Variants in NUP205 observed in about 807,000 individuals in gnomAD.
NUP205 encodes the protein nuclear pore complex protein Nup205.
A neutral mutation model predicts 253.8 loss-of-function variants in NUP205; 76 were observed. That is an observed-to-expected ratio of 0.30 (90% confidence interval 0.25 to 0.36). The LOEUF is 0.36. NUP205 is among the 10% of genes least tolerant of loss of function. The pLI, the probability that NUP205 is intolerant of heterozygous loss-of-function variation, is 1.00. For missense variants in NUP205, 2,162 were observed against 2,425.5 expected, an observed-to-expected ratio of 0.89 and a Z score of 2.28; for synonymous variants, 832 against 850.1, an observed-to-expected ratio of 0.98 and a Z score of 0.37.
At chr7:135,584,724 A>G (rs1806408380) in intron 7 of NUP205, 108 bp from the exon 8 acceptor site, 2 of 958,494 alleles carry the variant, frequency 2.1e-6, no homozygotes, top group East Asian at 5.2e-5. Context: ...AGCACATGCT[A>G]GAAGGCTGGG....
intron 31 of NUP205, 72 bp downstream of exon 31, chr7:135,622,997 G>T (rs1347384760): frequency 1.3e-6 from 2 of 1,485,660 alleles, no homozygotes; most frequent in African/African-American, 2.8e-5. Flanking sequence ...CTGATTCACG[G>T]CTGGGTGTGG....
At chr7:135,566,628 T>G (rs1162213353) in intron 1 of NUP205, among the ~76,000 whole-genome samples, 2 of 152,222 alleles carry the variant, frequency 1.3e-5, no homozygotes, top group African/African-American at 2.4e-5. Flanking sequence ...CTTTGCATCC[T>G]TCCCTAATCT....
At chr7:135,567,283 T>A (rs1351833483) in intron 1 of NUP205, among the ~76,000 whole-genome samples, 1 of 147,196 alleles carries the variant, frequency 6.8e-6, no homozygotes, top group Non-Finnish European at 1.5e-5. Flanking sequence ...CATCTCCCTT[T>A]AAAAAATTTT....
intron 31 of NUP205, among the ~76,000 whole-genome samples, chr7:135,623,795 G>A (rs1040760353): frequency 1.3e-5 from 2 of 152,094 alleles, no homozygotes; most frequent in South Asian, 4.1e-4. Context: ...TTGTTTGTTT[G>A]TTTTTGAGAT....
In NUP205 at chr7:135,608,167, C is replaced by T. The variant is rs531549402; in HGVS notation, c.3195+796C>T. 2.6e-5 allele frequency among the ~76,000 whole-genome samples: 4 copies of T among 151,836 alleles called. No individual in the cohort carries two copies. The South Asian group carries it at 8.3e-4, about 32-fold the overall frequency. ...TCAGCCTCCCAAGTAGCTGGGACTA[C>T]AGGCGTGCCCACCATGCCCAGCTAA... On this transcript the variant is annotated intron_variant, in intron 22 of 42. Transcript: ENST00000285968.
chr7:135,640,723 A>G (rs148828232), intron 38 of NUP205, among the ~76,000 whole-genome samples: 1 of 152,342 alleles, frequency 6.6e-6, no homozygotes, highest in East Asian at 1.9e-4. Flanking sequence ...ATTTAAAGGT[A>G]TCTTTCAGTG....
intron 12 of NUP205, among the ~76,000 whole-genome samples, chr7:135,593,912 G>T (rs761898268): frequency 3.3e-5 from 5 of 152,150 alleles, no homozygotes; most frequent in Non-Finnish European, 5.9e-5. Flanking sequence ...TAGCACTACA[G>T]GGTGAATATA....
At chr7:135,620,507 C>G (rs1794452362) in intron 30 of NUP205, among the ~76,000 whole-genome samples, 1 of 152,198 alleles carries the variant, frequency 6.6e-6, no homozygotes, top group African/African-American at 2.4e-5. Flanking sequence ...GCCTGGGCAA[C>G]AAGAGTGAAA....
At position 135,602,964 on chromosome 7, in the gene NUP205, A is replaced by G; in HGVS notation, c.2672A>G (p.Lys891Arg). 6.2e-7 allele frequency: 1 copy of G among 1,613,124 alleles called. No homozygotes were observed. The highest frequency in any genetic ancestry group is 8.5e-7 in the Non-Finnish European group (1 of 1,179,294). ...TTGCAGGGAATTAATCCCAGAACTA[A>G]GAAGGCAGATAATGTGGTAAACATT... ...QLLQGINPRT[K>R]KADNVVNIAR... The change falls in exon 18 of 43, where the codon AAG becomes AGG. Residue 891 changes from lysine (K) to arginine (R), a missense_variant. Lys to Arg is a conservative substitution (Grantham distance 26, BLOSUM62 2). Coordinates refer to ENST00000285968, the MANE Select transcript of NUP205 (RefSeq NM_015135.3).
intron 7 of NUP205, among the ~76,000 whole-genome samples, chr7:135,580,585 C>G (rs367708978): frequency 1.3e-5 from 2 of 152,058 alleles, no homozygotes; most frequent in African/African-American, 4.8e-5. Context: ...GCCTCAGCCT[C>G]CGGAGTACCT....
intron 6 of NUP205, 66 bp from the exon 7 acceptor site, chr7:135,578,685 T>C: frequency 1.7e-6 from 2 of 1,176,404 alleles, no homozygotes; most frequent in Non-Finnish European, 2.4e-6. Flanking sequence ...TTGGATATTA[T>C]TCCTGTGTAT....
intron 1 of NUP205, among the ~76,000 whole-genome samples, chr7:135,561,952 A>C (rs1241510779): frequency 3.4e-4 from 44 of 128,500 alleles, no homozygotes; most frequent in Admixed American, 5.9e-4. Context: ...TCCCTCCCTC[A>C]CTCTGCCCAG....
intron 19 of NUP205, among the ~76,000 whole-genome samples, chr7:135,604,678 T>C (rs1794048679): frequency 1.3e-5 from 2 of 152,220 alleles, no homozygotes; most frequent in African/African-American, 4.8e-5. Flanking sequence ...ATAATTATGG[T>C]ATGTGGCACA....
At chr7:135,575,414 A>G (rs1806124272) in intron 3 of NUP205, among the ~76,000 whole-genome samples, 2 of 152,132 alleles carry the variant, frequency 1.3e-5, no homozygotes, top group Admixed American at 6.6e-5. Flanking sequence ...GGGAACAGAA[A>G]GGAGTAGAGT....
chr7:135,557,984 CAG>C lies in NUP205; in HGVS notation c.28+14_28+15del, dbSNP rs1370400101. ...GGCGGTAAATTCGGGTAAGTGTGGC[CAG>C]ACAGAAAGACGATTGAGCTGAGCGA... On this transcript the variant is annotated intron_variant, in intron 1 of 42. Transcript: ENST00000285968. 3 of 1,609,782 alleles carry C rather than the reference CAG, an allele frequency of 1.9e-6. No individual in the cohort carries two copies. In the East Asian group the frequency reaches 6.7e-5, roughly 36 times the overall value.
chr7:135,590,223 C>T (rs181085376), intron 10 of NUP205, among the ~76,000 whole-genome samples: 1,976 of 149,476 alleles, frequency 0.013, 74 homozygotes, highest in Middle Eastern at 0.026. Flanking sequence ...GTGATTCTAC[C>T]GCCTCAGCCT....
intron 22 of NUP205, among the ~76,000 whole-genome samples, chr7:135,612,315 T>A (rs909265347): frequency 6.6e-6 from 1 of 152,212 alleles, no homozygotes; most frequent in African/African-American, 2.4e-5. Context: ...GATGAATTCA[T>A]AATCATGTTT....
intron 23 of NUP205, among the ~76,000 whole-genome samples, chr7:135,615,084 C>T (rs555889266): frequency 6.6e-6 from 1 of 152,080 alleles, no homozygotes; most frequent in Admixed American, 6.5e-5. Context: ...TTTAGAAACC[C>T]TCTTTACACC....
At chr7:135,641,518 C>T (rs1479707213) in intron 38 of NUP205, among the ~76,000 whole-genome samples, 1 of 152,110 alleles carries the variant, frequency 6.6e-6, no homozygotes, top group African/African-American at 2.4e-5. Flanking sequence ...GCCTGTAATC[C>T]CAGCACTTTG....
Sources: gnomAD v4.1 joint callset for allele counts (sites outside exome capture counted in the v4.1 genomes callset) on GRCh38, gnomAD v4.1.1 for gene constraint, MANE v1.5 for transcripts, NCBI Gene and HGNC (gene_info 2026-07-23, HGNC 2026-07-21) for gene names.